CSMD1: variants seen among roughly 807,000 people sequenced by gnomAD.
The protein encoded by CSMD1 is CUB and sushi domain-containing protein 1.
CSMD1 carries 213 observed loss-of-function variants against 417.5 expected under a neutral mutation model. That is an observed-to-expected ratio of 0.51 (90% CI 0.46 to 0.57). The LOEUF (loss-of-function observed/expected upper bound fraction) is 0.57. CSMD1 is among the 20% of genes least tolerant of loss of function. CSMD1 has a pLI of 0.00. For synonymous variants in CSMD1, 2,862 were observed against 1,736.8 expected (o/e 1.65, Z -16.11); for missense variants, 6,923 against 4,529.7 (o/e 1.53, Z -15.17).
chr8:3,880,758 C>G (rs1046436781), intron 5 of CSMD1, among the ~76,000 whole-genome samples: 1 of 152,078 alleles, frequency 6.6e-6, no homozygotes, highest in African/African-American at 2.4e-5. Flanking sequence ...AGCTATTATC[C>G]AAAATTTGTC....
At chr8:4,915,780 G>A (rs1806023673) in intron 1 of CSMD1, among the ~76,000 whole-genome samples, 1 of 152,242 alleles carries the variant, frequency 6.6e-6, no homozygotes, top group African/African-American at 2.4e-5. Flanking sequence ...ACTTTTAGCA[G>A]AGACACTTGA....
intron 12 of CSMD1, among the ~76,000 whole-genome samples, chr8:3,411,522 T>C (rs1184301270): frequency 6.6e-6 from 1 of 151,714 alleles, no homozygotes; most frequent in Non-Finnish European, 1.5e-5. Flanking sequence ...TAGCTCCCAC[T>C]TATGAGTGAG....
rs11781780 is a variant in CSMD1, at chr8:3,295,370, C to A, written c.3951-11024G>T. Among the ~76,000 whole-genome samples the A allele has an allele frequency of 1.3e-5, 2 of 151,512 alleles. 1 individual carries two copies. Among genetic ancestry groups the A allele is most frequent in the African/African-American group, 4.8e-5 (2 of 41,334 alleles). ...CTCGATCTCCTGACCTTGTGATCCA[C>A]CCGCCTCGGCCTCCCAAAGTGCTGG... On this transcript the variant is annotated intron_variant, in intron 25 of 69. Coordinates refer to ENST00000635120, the MANE Select transcript of CSMD1 (RefSeq NM_033225.6).
chr8:4,833,256 T>C (rs1800258538), intron 1 of CSMD1, among the ~76,000 whole-genome samples: 1 of 152,162 alleles, frequency 6.6e-6, no homozygotes, highest in East Asian at 1.9e-4. Context: ...TTCAGGAGCA[T>C]GGCTGGGAGG....
At chr8:3,216,967 G>T (rs1585684240) in intron 29 of CSMD1, among the ~76,000 whole-genome samples, 1 of 152,184 alleles carries the variant, frequency 6.6e-6, no homozygotes, top group East Asian at 1.9e-4. Flanking sequence ...ACTGCCCTAG[G>T]CTGGATGCAA....
chr8:4,573,092 T>G (rs1324756959), intron 2 of CSMD1, among the ~76,000 whole-genome samples: 1 of 152,160 alleles, frequency 6.6e-6, no homozygotes, highest in African/African-American at 2.4e-5. Flanking sequence ...GAGTTTGTTA[T>G]TACCCACCTT....
chr8:3,589,924 C>G (rs1025139201), intron 8 of CSMD1, among the ~76,000 whole-genome samples: 2 of 149,200 alleles, frequency 1.3e-5, no homozygotes, highest in African/African-American at 2.5e-5. Flanking sequence ...GATTTCATTT[C>G]TGGCAATATA....
chr8:4,759,856 AGTACT>A (rs1563313964), intron 1 of CSMD1, among the ~76,000 whole-genome samples: 1 of 152,238 alleles, frequency 6.6e-6, no homozygotes, highest in East Asian at 1.9e-4. Flanking sequence ...TATTGTGAAT[AGTACT>A]GCAATGAATA....
intron 3 of CSMD1, among the ~76,000 whole-genome samples, chr8:4,174,174 T>C (rs1563222984): frequency 2.0e-5 from 3 of 152,056 alleles, no homozygotes; most frequent in Admixed American, 6.5e-5. Flanking sequence ...TAGAGGAGAA[T>C]GTTAAACTAC....
At chr8:4,653,627 T>A (rs1408106109) in intron 1 of CSMD1, among the ~76,000 whole-genome samples, 38 of 151,924 alleles carry the variant, frequency 2.5e-4, no homozygotes, top group Admixed American at 2.5e-3. Flanking sequence ...TGACAGAGAG[T>A]CAACTGCAGC....
chr8:4,470,664 C>A (rs934054328), intron 2 of CSMD1, among the ~76,000 whole-genome samples: 1 of 152,038 alleles, frequency 6.6e-6, no homozygotes, highest in African/African-American at 2.4e-5. Flanking sequence ...TTCTAAACGG[C>A]CATTAGTGCT....
chr8:3,499,259 C>G (rs1051029815), intron 10 of CSMD1, among the ~76,000 whole-genome samples: 1 of 152,294 alleles, frequency 6.6e-6, no homozygotes, highest in African/African-American at 2.4e-5. Flanking sequence ...TGGTTGTAAT[C>G]AATGTCTGCA....
At chr8:4,240,841 G>C (rs898561437) in intron 3 of CSMD1, among the ~76,000 whole-genome samples, 2 of 152,138 alleles carry the variant, frequency 1.3e-5, no homozygotes, top group South Asian at 2.1e-4. Flanking sequence ...TGAGGGCGTA[G>C]CATGGGGTAG....
At chr8:3,586,098 A>G in intron 9 of CSMD1, 38 bp downstream of exon 9, 1 of 1,590,054 alleles carries the variant, frequency 6.3e-7, no homozygotes, top group Non-Finnish European at 8.6e-7. Context: ...CCTTAAAGAA[A>G]GAGATAATCC....
At chr8:4,760,943 T>C (rs1238909442) in intron 1 of CSMD1, among the ~76,000 whole-genome samples, 1 of 152,180 alleles carries the variant, frequency 6.6e-6, no homozygotes, top group African/African-American at 2.4e-5. Flanking sequence ...TTATAATTTA[T>C]TGACTTATTT....
intron 10 of CSMD1, among the ~76,000 whole-genome samples, chr8:3,539,296 G>A (rs766654239): frequency 2.0e-5 from 3 of 152,054 alleles, no homozygotes; most frequent in Non-Finnish European, 4.4e-5. Flanking sequence ...TCCCCCTACT[G>A]CCTACCTCCC....
chr8:4,136,170 T>C (rs1337040714), intron 3 of CSMD1, among the ~76,000 whole-genome samples: 1 of 152,150 alleles, frequency 6.6e-6, no homozygotes, highest in Non-Finnish European at 1.5e-5. Flanking sequence ...TTAGAAAAGA[T>C]ACGATATACA....
chr8:4,758,102 C>G (rs1811787933), intron 1 of CSMD1, among the ~76,000 whole-genome samples: 1 of 152,030 alleles, frequency 6.6e-6, no homozygotes, highest in African/African-American at 2.4e-5. Context: ...TCCACTGAAA[C>G]CAACCAAAGG....
intron 1 of CSMD1, among the ~76,000 whole-genome samples, chr8:4,897,598 A>G (rs1388152301): frequency 6.6e-6 from 1 of 152,132 alleles, no homozygotes; most frequent in Non-Finnish European, 1.5e-5. Flanking sequence ...TTAGTGACCA[A>G]TACAATTCAA....
Sources: allele counts gnomAD v4.1 joint callset (sites outside exome capture counted in the v4.1 genomes callset), GRCh38; gene constraint gnomAD v4.1.1; transcripts MANE v1.5; gene names NCBI Gene and HGNC (gene_info 2026-07-23, HGNC 2026-07-21).